The following CD101 variants were observed in gnomAD, a reference collection of about 807,000 sequenced individuals.
CD101 encodes the protein immunoglobulin superfamily member 2.
Under a neutral mutation model 98.2 loss-of-function variants are expected in CD101, and 76 were observed. The observed-to-expected ratio is 0.77, with a 90% CI of 0.64 to 0.94. The LOEUF is 0.94. Ranked by LOEUF, CD101 falls within the 40% of genes least tolerant of loss-of-function variation. The pLI is 0.00. For missense variants in CD101, 1,145 were observed against 1,218.8 expected (o/e 0.94, Z 0.90); for synonymous variants, 471 against 472.7 (o/e 1.00, Z 0.05).
chr1:117,013,438 A>G lies in CD101; in HGVS notation c.874A>G (p.Ser292Gly). ...KDFQVNITAD[S>G]LFAEGKPLEL... ...TTTTCAAGTCAACATTACAGCTGAC[A>G]GCTTGTTTGCTGAAGGGAAACCCTT... The change falls in exon 4 of 10, where the codon AGC (serine) becomes GGC (glycine). Residue 292 changes from serine to glycine, a missense_variant. By Grantham distance (56) the Ser-to-Gly change is moderately conservative. Transcript: ENST00000682167. 6.2e-7 allele frequency: 1 copy of G among 1,611,440 alleles called. No individual in the cohort carries two copies.
Position 117,018,495 on chromosome 1 carries a change from A to C in CD101, c.1952A>C (p.Tyr651Ser), listed in dbSNP as rs760063342. 1.9e-6 allele frequency: 3 copies of C among 1,613,774 alleles called. No homozygotes were observed. Among genetic ancestry groups the C allele is most frequent in the Non-Finnish European group, 2.5e-6 (3 of 1,179,806 alleles). The change falls in exon 6 of 10, where the codon TAC becomes TCC. Residue 651 changes from tyrosine (Y) to serine (S), a missense_variant. Tyr to Ser is a moderately radical substitution (Grantham distance 144). Transcript: ENST00000682167. The surrounding 1 kb of genome is among the most constrained non-coding windows in gnomAD (Gnocchi z 4.3). The stretch of plus-strand genomic sequence containing the variant: ...GAAGTTTATGACAGAAATTCCCTAT[A>C]CAACAACCGCCCCCCGAGGGCTTCT... ...EVEVYDRNSLYNNRPPRASAI... is the reference protein window; with the variant it reads ...EVEVYDRNSLSNNRPPRASAI...
rs928430737 is a variant in CD101 at position 117,023,696 on chromosome 1, C to A, written c.2428+1713C>A. Among the ~76,000 whole-genome samples, 3 of 152,008 alleles carry A rather than the reference C, an allele frequency of 2.0e-5. No individual in the cohort carries two copies. The highest frequency in any genetic ancestry group is 7.3e-5 in the African/African-American group (3 of 41,370). On this transcript the variant is annotated intron_variant, in intron 7 of 9. Transcript: ENST00000682167. The surrounding 1 kb of genome is among the most constrained non-coding windows in gnomAD (Gnocchi z 4.4). ...CCTCCCAAAGTGCTGGGATTACAGGCGTGAGCCACTGCGCCCAGCCCAGTT... is the reference window on the plus strand; with the variant it reads ...CCTCCCAAAGTGCTGGGATTACAGGAGTGAGCCACTGCGCCCAGCCCAGTT...
At position 117,006,437 on chromosome 1, in the gene CD101, A is replaced by G. The variant is rs1652541552; in HGVS notation, c.44-3413A>G. Among the ~76,000 whole-genome samples the G allele has an allele frequency of 6.6e-6, 1 of 152,138 alleles. No individual in the cohort carries two copies. The highest frequency in any genetic ancestry group is 1.5e-5 in the Non-Finnish European group (1 of 68,020). On this transcript the variant is annotated intron_variant, in intron 1 of 9. Coordinates refer to ENST00000682167, the MANE Select transcript of CD101 (RefSeq NM_001256106.3). The surrounding 1 kb of genome is among the most constrained non-coding windows in gnomAD (Gnocchi z 4.4). ...CCCCATTGCCAATGAATCAAGTCCA[A>G]ACTTTTAAATGTGATAGTCAAGTCC...
At chr1:117,027,083 T>C (rs915902894) in intron 8 of CD101, among the ~76,000 whole-genome samples, 2 of 152,204 alleles carry the variant, frequency 1.3e-5, no homozygotes, top group Non-Finnish European at 2.9e-5. Context: ...CAGCTTTCTA[T>C]AAAATGAAGA....
intron 1 of CD101, among the ~76,000 whole-genome samples, chr1:117,008,948 G>A (rs1297100619): frequency 6.6e-6 from 1 of 152,128 alleles, no homozygotes; most frequent in Admixed American, 6.5e-5. Context: ...GCATGTCTTT[G>A]TTCTTTCTGC....
chr1:117,034,436 C>A (rs1439738307), intron 9 of CD101, among the ~76,000 whole-genome samples: 1 of 152,194 alleles, frequency 6.6e-6, no homozygotes, highest in Admixed American at 6.5e-5. Context: ...TACAGCAATG[C>A]CCTGGTGGGG....
rs374341961 is a variant in CD101 at position 117,001,794 on chromosome 1, C to T, written c.-24C>T. 203 of 1,612,262 alleles carry T rather than the reference C, an allele frequency of 1.3e-4. No homozygotes were observed. Among genetic ancestry groups the T allele is most frequent in the Admixed American group, 1.2e-3 (69 of 59,914 alleles). ...CTGAATGTTAGTGACACTATTGGGACGAAAAAGGACTGTGCTGGCCCAAAT... is the reference window on the plus strand; with the variant it reads ...CTGAATGTTAGTGACACTATTGGGATGAAAAAGGACTGTGCTGGCCCAAAT... On this transcript the variant is annotated 5_prime_UTR_variant, in exon 1 of 10. It adds an upstream start codon to the 5' untranslated region. Coordinates refer to ENST00000682167, the MANE Select transcript of CD101 (RefSeq NM_001256106.3).
At position 117,011,921 on chromosome 1, in the gene CD101, A is replaced by G. The variant is rs1208407380; in HGVS notation, c.796A>G (p.Thr266Ala). 6.2e-7 allele frequency: 1 copy of G among 1,614,014 alleles called. No homozygotes were observed. The highest frequency in any genetic ancestry group is 8.5e-7 in the Non-Finnish European group (1 of 1,180,010). The change falls in exon 3 of 10, where the codon ACC (threonine) becomes GCC (alanine). Residue 266 changes from threonine (T) to alanine (A), a missense_variant. Thr to Ala is a moderately conservative substitution (Grantham distance 58, BLOSUM62 0). Coordinates refer to ENST00000682167, the MANE Select transcript of CD101 (RefSeq NM_001256106.3). ...TCCAGATGAAACTTGGATGTTCATCACCAAAAAGCAGACCGATCAAACCAC... is the reference window on the plus strand; with the variant it reads ...TCCAGATGAAACTTGGATGTTCATCGCCAAAAAGCAGACCGATCAAACCAC... ...QDPDETWMFITKKQTDQTTLR... is the reference protein window; with the variant it reads ...QDPDETWMFIAKKQTDQTTLR...
Position 117,012,478 on chromosome 1 carries a change from A to G in CD101, c.841+512A>G, listed in dbSNP as rs1457952913. Among the ~76,000 whole-genome samples, 2 of 152,194 alleles carry G rather than the reference A, an allele frequency of 1.3e-5. No individual in the cohort carries two copies. Among genetic ancestry groups the G allele is most frequent in the African/African-American group, 2.4e-5 (1 of 41,450 alleles). On this transcript the variant is annotated intron_variant, in intron 3 of 9. Coordinates refer to ENST00000682167, the MANE Select transcript of CD101 (RefSeq NM_001256106.3). This position sits in a 1 kb window ranked among gnomAD's most constrained non-coding sequence, Gnocchi z 4.0. The stretch of plus-strand genomic sequence containing the variant: ...GGCCTCAAAGTAGCTCCAGTTTCCA[A>G]CATGAAGCCTTGTCTTCGTCAGTGC...
At position 117,005,998 on chromosome 1, in the gene CD101, G is replaced by A. The variant is rs959222574; in HGVS notation, c.44-3852G>A. The stretch of plus-strand genomic sequence containing the variant: ...TTTAAATATTTCAAAATGTTTGCTG[G>A]ATATCCTTCCTGTCTATTCCATGGT... On this transcript the variant is annotated intron_variant, in intron 1 of 9. Transcript: ENST00000682167. The surrounding 1 kb of genome is among the most constrained non-coding windows in gnomAD (Gnocchi z 4.4). Among the ~76,000 whole-genome samples, 1 of 151,752 alleles carries A rather than the reference G, an allele frequency of 6.6e-6. No homozygotes were observed. Among genetic ancestry groups the A allele is most frequent in the Non-Finnish European group, 1.5e-5 (1 of 67,968 alleles).
intron 7 of CD101, among the ~76,000 whole-genome samples, chr1:117,024,440 GCA>G (rs1408041905): frequency 6.6e-6 from 1 of 152,092 alleles, no homozygotes; most frequent in Non-Finnish European, 1.5e-5. Context: ...TTGTGCCACT[GCA>G]CTCTAGCCTG....
intron 1 of CD101, among the ~76,000 whole-genome samples, chr1:117,002,811 A>T (rs1406608145): frequency 6.6e-6 from 1 of 152,254 alleles, no homozygotes; most frequent in Non-Finnish European, 1.5e-5. Flanking sequence ...ATAACATTTC[A>T]ATATATCTTA....
intron 1 of CD101, among the ~76,000 whole-genome samples, chr1:117,008,589 A>T (rs1652679767): frequency 1.3e-5 from 2 of 152,178 alleles, no homozygotes; most frequent in South Asian, 4.1e-4. Context: ...GCATCAGGTG[A>T]CCACTTACCT....
intron 9 of CD101, among the ~76,000 whole-genome samples, chr1:117,035,488 T>C (rs566509735): frequency 1.3e-5 from 2 of 152,316 alleles, no homozygotes; most frequent in Non-Finnish European, 2.9e-5. Flanking sequence ...GTCAGCACAT[T>C]TGTTTCTTGT....
chr1:117,015,774 C>T (rs1254055162), intron 4 of CD101, among the ~76,000 whole-genome samples: 1 of 152,188 alleles, frequency 6.6e-6, no homozygotes, highest in Admixed American at 6.5e-5. Flanking sequence ...TTTGTTCAGT[C>T]TTCATGTGCC....
intron 1 of CD101, among the ~76,000 whole-genome samples, chr1:117,003,207 G>A (rs116070700): frequency 0.02 from 2,986 of 152,298 alleles, 105 homozygotes; most frequent in African/African-American, 0.069. Flanking sequence ...GCAGGGACCC[G>A]AATGGCTGGG....
At chr1:117,008,783 A>T (rs1489390413) in intron 1 of CD101, among the ~76,000 whole-genome samples, 3 of 151,936 alleles carry the variant, frequency 2.0e-5, no homozygotes, top group African/African-American at 7.3e-5. Context: ...AATGCAGCAG[A>T]GGCTCTGCTT....
rs114110071 is a variant in CD101 at position 117,028,367 on chromosome 1, G to A, written c.2824+2463G>A. On this transcript the variant is annotated intron_variant, in intron 8 of 9. Transcript: ENST00000682167. ...TGGACTCTAGCTTAGATGGATAGTC[G>A]GGTCATTTACCAAGCAAGGTAATAT... Among the ~76,000 whole-genome samples the A allele has an allele frequency of 4.2e-3, 635 of 152,234 alleles. 3 individuals carry two copies. The highest frequency in any genetic ancestry group is 0.014 in the African/African-American group (597 of 41,518).
chr1:117,030,590 C>T (rs1315510172), intron 8 of CD101, among the ~76,000 whole-genome samples: 1 of 152,236 alleles, frequency 6.6e-6, no homozygotes, highest in Non-Finnish European at 1.5e-5. Flanking sequence ...AGCTACTTAC[C>T]TGTGCTTCCC....
Sources: gnomAD v4.1 joint callset for allele counts (sites outside exome capture counted in the v4.1 genomes callset) on GRCh38, gnomAD v4.1.1 for gene constraint, Gnocchi (gnomAD v3.1) non-coding constraint, MANE v1.5 for transcripts, NCBI Gene and HGNC (gene_info 2026-07-23, HGNC 2026-07-21) for gene names.